The following GOLGA5 variants were observed in gnomAD, a reference collection of about 807,000 sequenced individuals.
The protein encoded by GOLGA5 is golgin subfamily A member 5.
Under a neutral mutation model 93.5 loss-of-function variants are expected in GOLGA5, and 50 were observed. The observed-to-expected ratio is 0.53, with a 90% CI of 0.43 to 0.68. GOLGA5 has a LOEUF of 0.68. Ranked by LOEUF, GOLGA5 falls within the 30% of genes least tolerant of loss-of-function variation. The probability of loss-of-function intolerance (pLI) is 0.00; values close to 1 mark genes in which losing one functional copy is unlikely to be tolerated. For synonymous variants in GOLGA5, 312 were observed against 304.5 expected (o/e 1.02, Z -0.26); for missense variants, 760 against 856.4 (o/e 0.89, Z 1.40).
intron 2 of GOLGA5, among the ~76,000 whole-genome samples, chr14:92,800,646 C>T (rs1884850825): frequency 6.6e-6 from 1 of 152,166 alleles, no homozygotes; most frequent in African/African-American, 2.4e-5. Context: ...TGAGTGCCTT[C>T]CCAGGCTTCC....
chr14:92,820,318 TA>T (rs1333138755), intron 8 of GOLGA5, among the ~76,000 whole-genome samples: 3 of 152,220 alleles, frequency 2.0e-5, no homozygotes, highest in Admixed American at 6.5e-5. Context: ...AGGCCAGATT[TA>T]TGCTTCTCTC....
At chr14:92,815,140 G>T (rs1885176941) in intron 6 of GOLGA5, among the ~76,000 whole-genome samples, 1 of 152,142 alleles carries the variant, frequency 6.6e-6, no homozygotes, top group South Asian at 2.1e-4. Context: ...GAGATCAGGA[G>T]CCCCTCCAAA....
At chr14:92,828,510 ACT>A (rs1885464690) in intron 9 of GOLGA5, among the ~76,000 whole-genome samples, 1 of 152,110 alleles carries the variant, frequency 6.6e-6, no homozygotes, top group South Asian at 2.1e-4. Flanking sequence ...TCACCCAAGA[ACT>A]CTAATAGAGC....
intron 3 of GOLGA5, 57 bp downstream of exon 3, chr14:92,807,020 C>G (rs564551705): frequency 8.1e-7 from 1 of 1,236,640 alleles, no homozygotes; most frequent in African/African-American, 1.5e-5. Flanking sequence ...AAACTTAAGG[C>G]TGGACGCAGT....
chr14:92,833,007 G>A, intron 9 of GOLGA5, 115 bp from the exon 10 acceptor site: 1 of 687,218 alleles, frequency 1.5e-6, no homozygotes, highest in African/African-American at 1.8e-5. Flanking sequence ...AGTCAGTATA[G>A]AGTTTTGAGA....
At chr14:92,799,571 A>G (rs1012313064) in intron 2 of GOLGA5, among the ~76,000 whole-genome samples, 3 of 150,122 alleles carry the variant, frequency 2.0e-5, no homozygotes, top group Admixed American at 1.3e-4. Flanking sequence ...GGCGTGAGCC[A>G]CTGTGCCTGG....
At chr14:92,814,599 C>G (rs925123836) in intron 6 of GOLGA5, among the ~76,000 whole-genome samples, 3 of 151,776 alleles carry the variant, frequency 2.0e-5, no homozygotes, top group Non-Finnish European at 2.9e-5. Flanking sequence ...TATAAATGAT[C>G]ATGTTTATTA....
At chr14:92,809,206 A>G in intron 3 of GOLGA5, 94 bp from the exon 4 acceptor site, 1 of 769,688 alleles carries the variant, frequency 1.3e-6, no homozygotes, top group Non-Finnish European at 2.1e-6. Flanking sequence ...GTCAATAAGG[A>G]AAGTACTAAA....
intron 2 of GOLGA5, among the ~76,000 whole-genome samples, chr14:92,801,141 A>T (rs1320833384): frequency 6.6e-6 from 1 of 152,228 alleles, no homozygotes; most frequent in East Asian, 1.9e-4. Context: ...CCCAGTTGAG[A>T]ACCAATGTCC....
At chr14:92,817,393 A>T (rs796478744) in intron 7 of GOLGA5, among the ~76,000 whole-genome samples, 14 of 152,326 alleles carry the variant, frequency 9.2e-5, no homozygotes, top group African/African-American at 3.4e-4. Context: ...AGTGGTTAAA[A>T]GCAAATCAGA....
At position 92,833,320 on chromosome 14, in the gene GOLGA5, A is replaced by C; in HGVS notation, c.1918A>C (p.Asn640His). The change falls in exon 10 of 13, where the codon AAT becomes CAT. Residue 640 changes from asparagine (N) to histidine (H), a missense_variant. Asn to His is a moderately conservative substitution (Grantham distance 68). Transcript: ENST00000163416. ...SGSSSNGSSINMSGIDNGEGT... is the reference protein window; with the variant it reads ...SGSSSNGSSIHMSGIDNGEGT... ...AAGTAGTAGTAATGGGTCTTCGATT[A>C]ATATGTCTGGAATTGACAATGGTGA... 6.2e-7 allele frequency: 1 copy of C among 1,608,706 alleles called. No individual in the cohort carries two copies. The highest frequency in any genetic ancestry group is 8.5e-7 in the Non-Finnish European group (1 of 1,175,032).
Position 92,824,637 on chromosome 14 carries a change from G to A in GOLGA5, c.1712G>A (p.Arg571Lys). ...CGAGACGAAGAAATTCAAAAACTCAGGAATCAGGTATGAATCACTATTCAC... is the reference window on the plus strand; with the variant it reads ...CGAGACGAAGAAATTCAAAAACTCAAGAATCAGGTATGAATCACTATTCAC... ...KDRDEEIQKLRNQLTNKTLSN... is the reference protein window; with the variant it reads ...KDRDEEIQKLKNQLTNKTLSN... The change falls in exon 9 of 13, where the codon AGG becomes AAG. Residue 571 changes from arginine to lysine, a missense_variant. Transcript: ENST00000163416. 6.5e-7 allele frequency: 1 copy of A among 1,549,414 alleles called. No individual in the cohort carries two copies. The highest frequency in any genetic ancestry group is 8.9e-7 in the Non-Finnish European group (1 of 1,124,486).
In GOLGA5 at chr14:92,810,930, T is replaced by C. The variant is rs144506046; in HGVS notation, c.1116+553T>C. ...ACTTTGGTTTTAGAAGGTTCACAGG[T>C]GTATCTAATGAGCAGTCAGGGTTGC... On this transcript the variant is annotated intron_variant, in intron 5 of 12. Coordinates refer to ENST00000163416, the MANE Select transcript of GOLGA5 (RefSeq NM_005113.4). Among the ~76,000 whole-genome samples the C allele has an allele frequency of 5.4e-4, 83 of 152,318 alleles. 2 individuals carry two copies. In the South Asian group the frequency reaches 9.3e-3, roughly 17 times the overall value.
intron 3 of GOLGA5, among the ~76,000 whole-genome samples, chr14:92,808,104 CGT>C (rs1555404662): frequency 2.6e-5 from 4 of 152,070 alleles, no homozygotes; most frequent in Non-Finnish European, 5.9e-5. Flanking sequence ...CATGGTGGCG[CGT>C]GCCTGTTATT....
chr14:92,824,509 TA>T, intron 8 of GOLGA5, 36 bp from the exon 9 acceptor site: 1 of 1,054,266 alleles, frequency 9.5e-7, no homozygotes, highest in Middle Eastern at 2.0e-4. Context: ...AGGGGACACT[TA>T]TTTCGCTTCT....
intron 7 of GOLGA5, 40 bp downstream of exon 7, chr14:92,816,461 CCCTCAGGT>C (rs772746370): frequency 9.7e-6 from 15 of 1,547,148 alleles, no homozygotes; most frequent in Non-Finnish European, 1.3e-5. Flanking sequence ...ACACCATTTA[CCCTCAGGT>C]GTTAACAGTT....
chr14:92,810,335 T>A lies in GOLGA5; in HGVS notation c.1074T>A (p.Asp358Glu). The change falls in exon 5 of 13, where the codon GAT becomes GAA. Residue 358 changes from aspartate to glutamate, a missense_variant. Asp to Glu is a conservative substitution (Grantham distance 45). Transcript: ENST00000163416. ...QTFQERLHEA[D>E]ATLKREQESY... ...TTCAGGAGAGACTGCATGAAGCGGA[T>A]GCCACTCTGAAGAGAGAGCAGGAGA... The A allele has an allele frequency of 6.2e-7, 1 of 1,609,962 alleles. No individual in the cohort carries two copies. The highest frequency in any genetic ancestry group is 8.5e-7 in the Non-Finnish European group (1 of 1,177,742).
chr14:92,797,378 C>G, intron 1 of GOLGA5, 30 bp from the exon 2 acceptor site: 1 of 1,288,684 alleles, frequency 7.8e-7, no homozygotes, highest in Non-Finnish European at 1.1e-6. Flanking sequence ...GCCACTATGC[C>G]ACACTGATCA....
intron 6 of GOLGA5, among the ~76,000 whole-genome samples, chr14:92,813,153 G>T (rs1278285345): frequency 2.0e-5 from 3 of 152,026 alleles, no homozygotes; most frequent in African/African-American, 7.2e-5. Context: ...CTTCCATGAA[G>T]TATCATATTG....
Sources: gnomAD v4.1 joint callset for allele counts (sites outside exome capture counted in the v4.1 genomes callset) on GRCh38, gnomAD v4.1.1 for gene constraint, MANE v1.5 for transcripts, NCBI Gene and HGNC (gene_info 2026-07-23, HGNC 2026-07-21) for gene names.